The following PCDHA7 variants were observed in gnomAD, a reference collection of about 807,000 sequenced individuals.
PCDHA7 encodes the protein protocadherin alpha-7.
In PCDHA7, 37 loss-of-function variants were observed where a neutral mutation model predicts 57.2. The observed-to-expected ratio is 0.65, with a 90% CI of 0.50 to 0.85. The LOEUF (loss-of-function observed/expected upper bound fraction) is 0.85. Ranked by LOEUF, PCDHA7 falls within the 40% of genes least tolerant of loss-of-function variation. The pLI is 0.00. For missense variants in PCDHA7, 1,188 were observed against 1,241.8 expected (o/e 0.96, Z 0.65); for synonymous variants, 553 against 558.8 (o/e 0.99, Z 0.15).
chr5:140,996,283 C>T (rs2097719869), intron 3 of PCDHA7, among the ~76,000 whole-genome samples: 1 of 152,172 alleles, frequency 6.6e-6, no homozygotes, highest in African/African-American at 2.4e-5. Context: ...TGCCAAATTT[C>T]AAGAAGCACA....
intron 1 of PCDHA7, among the ~76,000 whole-genome samples, chr5:140,911,641 C>A (rs1403591383): frequency 6.6e-6 from 1 of 152,174 alleles, no homozygotes; most frequent in East Asian, 1.9e-4. Flanking sequence ...AAAGGTATTA[C>A]ATATAGAGTT....
intron 1 of PCDHA7, among the ~76,000 whole-genome samples, chr5:140,952,753 A>T (rs782624078): frequency 4.6e-5 from 7 of 152,194 alleles, no homozygotes; most frequent in Non-Finnish European, 1.0e-4. Context: ...CTATAAAAAC[A>T]CCTGAGACTG....
At chr5:140,840,534 A>G (rs1554137817) in intron 1 of PCDHA7, among the ~76,000 whole-genome samples, 1 of 152,088 alleles carries the variant, frequency 6.6e-6, no homozygotes, top group East Asian at 1.9e-4. Flanking sequence ...TGAAGAACTA[A>G]CAAGCCAATG....
intron 1 of PCDHA7, chr5:140,843,794 T>G: frequency 7.3e-7 from 1 of 1,365,430 alleles, no homozygotes; most frequent in East Asian, 2.3e-5. Flanking sequence ...CAGATTTAGT[T>G]TTTCACCGTA....
At chr5:140,865,534 A>G (rs2048907246) in intron 1 of PCDHA7, 1 of 152,224 alleles carries the variant, frequency 6.6e-6, no homozygotes, top group South Asian at 2.1e-4. Flanking sequence ...CTCTTCATCC[A>G]TAGCTATAGG....
chr5:140,962,512 AATAAT>A (rs2095688598), intron 1 of PCDHA7, among the ~76,000 whole-genome samples: 1 of 152,184 alleles, frequency 6.6e-6, no homozygotes, highest in Admixed American at 6.5e-5. Flanking sequence ...GCCAACTATC[AATAAT>A]ATATTAGTTT....
intron 1 of PCDHA7, 146 bp from the exon 2 acceptor site, chr5:140,978,803 C>A: frequency 2.0e-6 from 3 of 1,485,240 alleles, no homozygotes; most frequent in Middle Eastern, 1.8e-4. Context: ...ATGTAGATAT[C>A]ATCATAGAGT....
intron 1 of PCDHA7, chr5:140,855,784 A>T: frequency 2.4e-6 from 1 of 425,516 alleles, no homozygotes; most frequent in Non-Finnish European, 4.2e-6. Flanking sequence ...TACGTAAAAA[A>T]AGAATTAACA....
intron 1 of PCDHA7, among the ~76,000 whole-genome samples, chr5:140,845,543 T>C (rs1416946225): frequency 6.7e-6 from 1 of 149,544 alleles, no homozygotes; most frequent in Non-Finnish European, 1.5e-5. Flanking sequence ...ATTCTAATTA[T>C]GGTGATGCTT....
chr5:140,880,168 T>A (rs1287992545), intron 1 of PCDHA7, among the ~76,000 whole-genome samples: 1 of 152,084 alleles, frequency 6.6e-6, no homozygotes, highest in East Asian at 1.9e-4. Flanking sequence ...ATGTTAGAAG[T>A]TAAACATGAA....
chr5:140,872,073 T>C (rs2053472746), intron 1 of PCDHA7, among the ~76,000 whole-genome samples: 1 of 152,222 alleles, frequency 6.6e-6, no homozygotes, highest in Admixed American at 6.5e-5. Context: ...TAGCTGGGAA[T>C]GCAGTGCCAC....
rs2150215931 is a variant in PCDHA7 at position 140,834,369 on chromosome 5, A to T, written c.-15A>T. 162 of 1,556,736 alleles carry T rather than the reference A, an allele frequency of 1.0e-4. No individual in the cohort carries two copies. The highest frequency in any genetic ancestry group is 1.3e-4 in the Non-Finnish European group (154 of 1,153,124). On this transcript the variant is annotated 5_prime_UTR_variant, in exon 1 of 4. The change creates a new upstream start codon in the 5' untranslated region. Coordinates refer to ENST00000525929, the MANE Select transcript of PCDHA7 (RefSeq NM_018910.3). ...GCAAGTTTTGCTGACTAGAAAAACA[A>T]GCCAATAATTTGAAATGGTGTGCCC...
intron 3 of PCDHA7, among the ~76,000 whole-genome samples, chr5:140,998,767 T>C (rs367972918): frequency 5.3e-5 from 8 of 152,312 alleles, no homozygotes; most frequent in African/African-American, 1.9e-4. Flanking sequence ...TTTCACTATG[T>C]TGGTCAGGCT....
rs2150382245 is a variant in PCDHA7, at chr5:140,845,891, G to A, written c.2355+9153G>A. On this transcript the variant is annotated intron_variant, in intron 1 of 3. Coordinates refer to ENST00000525929, the MANE Select transcript of PCDHA7 (RefSeq NM_018910.3). ...AGGCAACCTAAAATGTCAGAAAGTC[G>A]TTATGGCCTTCCATATTAATCTTAT... 6.7e-5 allele frequency among the ~76,000 whole-genome samples: 10 copies of A among 149,728 alleles called. 1 individual carries two copies. Among genetic ancestry groups the A allele is most frequent in the East Asian group, 3.9e-4 (2 of 5,176 alleles).
chr5:140,874,215 G>A (rs2054781939), intron 1 of PCDHA7, among the ~76,000 whole-genome samples: 1 of 152,180 alleles, frequency 6.6e-6, no homozygotes, highest in Non-Finnish European at 1.5e-5. Context: ...ATTATTATAT[G>A]CAGTAGGAAT....
chr5:140,943,450 T>C (rs2093496924), intron 1 of PCDHA7, among the ~76,000 whole-genome samples: 1 of 152,012 alleles, frequency 6.6e-6, no homozygotes, highest in Non-Finnish European at 1.5e-5. Context: ...ATAGAATTGA[T>C]AAGGCTAAAT....
At chr5:140,907,773 G>C (rs2073598085) in intron 1 of PCDHA7, among the ~76,000 whole-genome samples, 1 of 152,200 alleles carries the variant, frequency 6.6e-6, no homozygotes, top group Admixed American at 6.5e-5. Flanking sequence ...GGTGATGACA[G>C]GGGTGGCTGG....
At chr5:140,944,438 C>T (rs1585166190) in intron 1 of PCDHA7, among the ~76,000 whole-genome samples, 2 of 152,154 alleles carry the variant, frequency 1.3e-5, no homozygotes, top group Non-Finnish European at 2.9e-5. Flanking sequence ...CTGCCTGCCT[C>T]GGCCTCCCAA....
Position 140,874,848 on chromosome 5 carries a change from T to G in PCDHA7, c.2355+38110T>G, listed in dbSNP as rs143666233. ...GAAATATTGTTTGGTATTAGACATATTTTAGTTTCTTATCCTTTGTTAAAT... is the reference window on the plus strand; with the variant it reads ...GAAATATTGTTTGGTATTAGACATAGTTTAGTTTCTTATCCTTTGTTAAAT... On this transcript the variant is annotated intron_variant, in intron 1 of 3. Transcript: ENST00000525929. Among the ~76,000 whole-genome samples the G allele has an allele frequency of 6.0e-4, 92 of 152,344 alleles. 1 individual carries two copies. The East Asian group carries it at 0.017, about 27-fold the overall frequency.
Sources: allele counts gnomAD v4.1 joint callset (sites outside exome capture counted in the v4.1 genomes callset), GRCh38; gene constraint gnomAD v4.1.1; transcripts MANE v1.5; gene names NCBI Gene and HGNC (gene_info 2026-07-23, HGNC 2026-07-21).